The following SKAP2 variants were observed in gnomAD, a reference collection of about 807,000 sequenced individuals.
SKAP2 encodes the protein src kinase-associated phosphoprotein 2.
In SKAP2, 28 loss-of-function variants were observed where a neutral mutation model predicts 54.9. The ratio of observed to expected loss-of-function variants is 0.51; its 90% CI spans 0.38 to 0.70. The LOEUF (loss-of-function observed/expected upper bound fraction) is 0.70. Among genes scored for constraint, SKAP2 ranks in the 30% least tolerant of loss-of-function variants. The pLI is 0.00. For missense variants in SKAP2, 356 were observed against 424.1 expected (o/e 0.84, Z 1.41); for synonymous variants, 137 against 134.3 (o/e 1.02, Z -0.14).
chr7:26,655,884 G>A, the SKAP2 span, among the ~76,000 whole-genome samples: 1 of 152,150 alleles, frequency 6.6e-6, no homozygotes, highest in African/African-American at 2.4e-5. Context: ...TATTTATAGG[G>A]CCCTTAGTGC....
chr7:26,858,516 G>C (rs1785220277), intron 1 of SKAP2, among the ~76,000 whole-genome samples: 1 of 152,130 alleles, frequency 6.6e-6, no homozygotes, highest in Non-Finnish European at 1.5e-5. Flanking sequence ...GCAATCTTGA[G>C]CAGTTTAAGT....
chr7:26,792,313 T>A (rs1009087993), intron 4 of SKAP2, among the ~76,000 whole-genome samples: 3 of 152,190 alleles, frequency 2.0e-5, no homozygotes, highest in Non-Finnish European at 4.4e-5. Context: ...ACTCATCACA[T>A]TGTTCACTTT....
At chr7:26,724,061 C>T (rs1787642221) in intron 9 of SKAP2, among the ~76,000 whole-genome samples, 2 of 148,314 alleles carry the variant, frequency 1.3e-5, no homozygotes, top group African/African-American at 5.3e-5. Context: ...CACTAAACAA[C>T]TGAAATACAC....
chr7:26,859,633 A>G (rs1187727565), intron 1 of SKAP2, among the ~76,000 whole-genome samples: 1 of 152,228 alleles, frequency 6.6e-6, no homozygotes, highest in African/African-American at 2.4e-5. Flanking sequence ...GTATTTTGAT[A>G]GAAAGCTGGG....
intron 4 of SKAP2, among the ~76,000 whole-genome samples, chr7:26,757,154 T>C (rs1782813048): frequency 6.6e-6 from 1 of 152,246 alleles, no homozygotes; most frequent in Non-Finnish European, 1.5e-5. Context: ...TTTCTTTTGC[T>C]GTGCAGAAGC....
chr7:26,739,719 A>C (rs1782387564), intron 5 of SKAP2, among the ~76,000 whole-genome samples, 168 bp downstream of exon 5: 1 of 152,222 alleles, frequency 6.6e-6, no homozygotes, highest in South Asian at 2.1e-4. Context: ...AAATTATTTA[A>C]AGCTAAGAGC....
At chr7:26,762,215 G>A (rs1254965137) in intron 4 of SKAP2, among the ~76,000 whole-genome samples, 1 of 152,042 alleles carries the variant, frequency 6.6e-6, no homozygotes. Flanking sequence ...GCTCTAGTGA[G>A]TTGTGAACGT....
intron 4 of SKAP2, among the ~76,000 whole-genome samples, chr7:26,777,438 C>T (rs1220606711): frequency 6.6e-6 from 1 of 152,056 alleles, no homozygotes; most frequent in African/African-American, 2.4e-5. Flanking sequence ...ATTAATAGTT[C>T]TTTGAATATT....
At chr7:26,746,277 C>T (rs1458697446) in intron 4 of SKAP2, among the ~76,000 whole-genome samples, 2 of 152,166 alleles carry the variant, frequency 1.3e-5, no homozygotes, top group South Asian at 2.1e-4. Context: ...TTACACTTTA[C>T]TTTATAATTG....
chr7:26,705,894 A>T (rs944778753), intron 9 of SKAP2, among the ~76,000 whole-genome samples: 1 of 152,208 alleles, frequency 6.6e-6, no homozygotes, highest in Non-Finnish European at 1.5e-5. Flanking sequence ...AAACAAAACA[A>T]ATCATAGGGA....
At chr7:26,725,602 A>C in intron 8 of SKAP2, 37 bp from the exon 9 acceptor site, 3 of 1,510,634 alleles carry the variant, frequency 2.0e-6, no homozygotes, top group Non-Finnish European at 2.7e-6. Context: ...TTTTAAAAGA[A>C]TGCAGAAGAT....
chr7:26,764,591 T>C (rs1225683647), intron 4 of SKAP2, among the ~76,000 whole-genome samples: 1 of 149,334 alleles, frequency 6.7e-6, no homozygotes, highest in East Asian at 1.9e-4. Flanking sequence ...CTTTTATCTT[T>C]TTTTATTTTT....
At chr7:26,715,785 C>T (rs547181366) in intron 9 of SKAP2, among the ~76,000 whole-genome samples, 1 of 152,006 alleles carries the variant, frequency 6.6e-6, no homozygotes, top group South Asian at 2.1e-4. Context: ...GTTCCCTCCC[C>T]CAAAAAAAGA....
chr7:26,720,985 TCAC>T (rs909771900), intron 9 of SKAP2, among the ~76,000 whole-genome samples: 8 of 152,164 alleles, frequency 5.3e-5, no homozygotes, highest in Non-Finnish European at 8.8e-5. Context: ...TCCCACAATA[TCAC>T]CACATTGATA....
At chr7:26,690,384 G>C (rs1786756549) in intron 9 of SKAP2, 22 bp from the exon 10 acceptor site, 1 of 1,536,388 alleles carries the variant, frequency 6.5e-7, no homozygotes, top group African/African-American at 1.4e-5. Flanking sequence ...CATTATCAAT[G>C]GCACATTGAA....
At chr7:26,716,270 G>C (rs1257290271) in intron 9 of SKAP2, among the ~76,000 whole-genome samples, 1 of 152,082 alleles carries the variant, frequency 6.6e-6, no homozygotes, top group Non-Finnish European at 1.5e-5. Flanking sequence ...TGTCAAATTA[G>C]TCTTATATGT....
At chr7:26,661,934 T>C in the SKAP2 span, among the ~76,000 whole-genome samples, 1 of 152,130 alleles carries the variant, frequency 6.6e-6, no homozygotes, top group Non-Finnish European at 1.5e-5. Flanking sequence ...ACCACAATCC[T>C]GACAGGGCAG....
intron 11 of SKAP2, among the ~76,000 whole-genome samples, chr7:26,672,193 A>G (rs1786257793): frequency 6.6e-6 from 1 of 152,042 alleles, no homozygotes; most frequent in African/African-American, 2.4e-5. Flanking sequence ...GATTCAAATT[A>G]CAAGACAGAA....
intron 6 of SKAP2, among the ~76,000 whole-genome samples, chr7:26,732,597 C>T (rs1044800451): frequency 2.0e-5 from 3 of 152,156 alleles, no homozygotes; most frequent in African/African-American, 7.2e-5. Flanking sequence ...CAGTGAATAA[C>T]TTACGTTATT....
Sources: gnomAD v4.1 joint callset for allele counts (sites outside exome capture counted in the v4.1 genomes callset) on GRCh38, gnomAD v4.1.1 for gene constraint, MANE v1.5 for transcripts, NCBI Gene and HGNC (gene_info 2026-07-23, HGNC 2026-07-21) for gene names.